The following PDE7A variants were observed in gnomAD, a reference collection of about 807,000 sequenced individuals.
PDE7A encodes high affinity 3',5'-cyclic-AMP phosphodiesterase 7A.
Under a neutral mutation model 64.3 loss-of-function variants are expected in PDE7A, and 39 were observed. The ratio of observed to expected loss-of-function variants is 0.61; its 90% CI spans 0.47 to 0.79. PDE7A has a LOEUF of 0.79. PDE7A is among the 30% of genes least tolerant of loss of function. PDE7A has a pLI of 0.00. For missense variants in PDE7A, 470 were observed against 582.8 expected (o/e 0.81, Z 1.99); for synonymous variants, 203 against 206.8 (o/e 0.98, Z 0.16).
chr8:65,837,441 C>G (rs764732135), intron 1 of PDE7A, among the ~76,000 whole-genome samples: 1 of 152,136 alleles, frequency 6.6e-6, no homozygotes, highest in African/African-American at 2.4e-5. Context: ...TTTGTGTATA[C>G]GTCATGAGAT....
chr8:65,719,566 A>G (rs1157535856), intron 12 of PDE7A, 71 bp from the exon 13 acceptor site: 2 of 975,066 alleles, frequency 2.1e-6, no homozygotes, highest in East Asian at 2.5e-5. Flanking sequence ...CATCTATACA[A>G]CATTAACCTT....
chr8:65,765,218 G>A (rs935426618), intron 3 of PDE7A, among the ~76,000 whole-genome samples: 4 of 151,962 alleles, frequency 2.6e-5, no homozygotes, highest in Non-Finnish European at 2.9e-5. Flanking sequence ...AGCCGGGCGC[G>A]GTGGCTCACG....
chr8:65,718,114 T>C lies in PDE7A; in HGVS notation c.*1176A>G, dbSNP rs559627144. The stretch of plus-strand genomic sequence containing the variant: ...AAGTTTGGTCACTTAGCTATGTGCA[T>C]AGTTTAAGGCAACTGGAGCAATCTG... On this transcript the variant is annotated 3_prime_UTR_variant, in exon 13 of 13. Coordinates refer to ENST00000401827, the MANE Select transcript of PDE7A (RefSeq NM_001242318.3). The C allele has an allele frequency of 6.6e-6, 1 of 152,352 alleles. No homozygotes were observed. The highest frequency in any genetic ancestry group is 2.1e-4 in the South Asian group (1 of 4,828). 9.4% of individuals were successfully genotyped at this position (152,352 alleles called of 1,614,324 possible). A position where few individuals can be genotyped will look rare whatever the true frequency, so the allele number is the denominator to read the frequency against.
intron 1 of PDE7A, among the ~76,000 whole-genome samples, chr8:65,817,724 C>T (rs1810443652): frequency 6.8e-6 from 1 of 148,076 alleles, no homozygotes; most frequent in Non-Finnish European, 1.5e-5. Flanking sequence ...TGAAGTCCCT[C>T]TCATTATATC....
chr8:65,806,590 T>A (rs558462461), intron 1 of PDE7A, among the ~76,000 whole-genome samples: 3 of 152,244 alleles, frequency 2.0e-5, no homozygotes, highest in Non-Finnish European at 4.4e-5. Context: ...TATTAACTTA[T>A]GTTGCCAGAT....
chr8:65,794,882 C>A (rs1362440816), intron 1 of PDE7A, among the ~76,000 whole-genome samples: 2 of 152,124 alleles, frequency 1.3e-5, no homozygotes, highest in African/African-American at 4.8e-5. Flanking sequence ...CCAAGTATGA[C>A]AATTAACCCA....
chr8:65,739,488 T>A lies in PDE7A; in HGVS notation c.595+14A>T. 6.5e-7 allele frequency: 1 copy of A among 1,544,772 alleles called. No individual in the cohort carries two copies. Among genetic ancestry groups the A allele is most frequent in the Middle Eastern group, 1.7e-4 (1 of 5,858 alleles). ...TGTAAATCTTGTTACTGTTAATGGGTTAGAATCACTTACCTAAAAATCTAC... is the reference window on the plus strand; with the variant it reads ...TGTAAATCTTGTTACTGTTAATGGGATAGAATCACTTACCTAAAAATCTAC... On this transcript the variant is annotated intron_variant, in intron 6 of 12. Coordinates refer to ENST00000401827, the MANE Select transcript of PDE7A (RefSeq NM_001242318.3).
chr8:65,780,990 T>G (rs1314050675), intron 2 of PDE7A: 1 of 152,236 alleles, frequency 6.6e-6, no homozygotes, highest in Non-Finnish European at 1.5e-5. Flanking sequence ...AATAAAGCAG[T>G]GAGCAAAATA....
intron 6 of PDE7A, 137 bp from the exon 7 acceptor site, chr8:65,735,031 A>T: frequency 1.6e-6 from 1 of 630,280 alleles, no homozygotes; most frequent in Non-Finnish European, 2.9e-6. Context: ...CGGGCAGATG[A>T]TAATCACCTC....
At chr8:65,724,390 C>A in intron 10 of PDE7A, 39 bp from the exon 11 acceptor site, 1 of 1,352,060 alleles carries the variant, frequency 7.4e-7, no homozygotes. Flanking sequence ...AAGATATATA[C>A]ACACTTGACA....
At chr8:65,758,917 A>G (rs1421377564) in intron 3 of PDE7A, among the ~76,000 whole-genome samples, 16 of 152,148 alleles carry the variant, frequency 1.1e-4, no homozygotes, top group Non-Finnish European at 4.4e-5. Flanking sequence ...CGTTCCTACC[A>G]TGGAATCTGT....
intron 1 of PDE7A, among the ~76,000 whole-genome samples, chr8:65,836,911 C>T (rs1342569827): frequency 6.6e-6 from 1 of 152,172 alleles, no homozygotes; most frequent in Non-Finnish European, 1.5e-5. Flanking sequence ...CTCCTTCCTC[C>T]TCCCCCTACA....
At position 65,715,898 on chromosome 8, in the gene PDE7A, G is replaced by A. The variant is rs561281834; in HGVS notation, c.*3392C>T. Among the ~76,000 whole-genome samples the A allele has an allele frequency of 2.1e-4, 31 of 145,448 alleles. No individual in the cohort carries two copies. In the East Asian group the frequency reaches 6.2e-3, roughly 29 times the overall value. ...AGCGACCTGGGAGACTGAGGCAGGAGAATGAGGAGAATGGCGTGAACCCGG... is the reference window on the plus strand; with the variant it reads ...AGCGACCTGGGAGACTGAGGCAGGAAAATGAGGAGAATGGCGTGAACCCGG... On this transcript the variant is annotated 3_prime_UTR_variant, in exon 13 of 13. Transcript: ENST00000401827.
At chr8:65,763,386 T>G (rs993173856) in intron 3 of PDE7A, among the ~76,000 whole-genome samples, 13 of 151,994 alleles carry the variant, frequency 8.6e-5, no homozygotes, top group African/African-American at 3.1e-4. Flanking sequence ...ACCAACATGG[T>G]GAAACCCTGT....
chr8:65,788,604 T>C (rs932336060), intron 1 of PDE7A, among the ~76,000 whole-genome samples: 2 of 152,194 alleles, frequency 1.3e-5, no homozygotes, highest in Non-Finnish European at 2.9e-5. Flanking sequence ...TAAACTTCTT[T>C]AGTCATAAAA....
intron 1 of PDE7A, among the ~76,000 whole-genome samples, chr8:65,794,012 A>C (rs1809770880): frequency 1.3e-5 from 2 of 152,172 alleles, no homozygotes; most frequent in African/African-American, 4.8e-5. Context: ...GCCAATTCTA[A>C]GGCTCTACAG....
intron 5 of PDE7A, among the ~76,000 whole-genome samples, chr8:65,744,949 A>C (rs1371250888): frequency 6.6e-6 from 1 of 152,226 alleles, no homozygotes; most frequent in Non-Finnish European, 1.5e-5. Context: ...CTGTGTCCCC[A>C]GCCAAATCTC....
intron 6 of PDE7A, among the ~76,000 whole-genome samples, chr8:65,738,302 T>C (rs1273910030): frequency 6.6e-6 from 1 of 152,198 alleles, no homozygotes; most frequent in Non-Finnish European, 1.5e-5. Context: ...AGCTATCTCT[T>C]GATCTGGGCA....
chr8:65,745,135 C>T (rs527615728), intron 5 of PDE7A, among the ~76,000 whole-genome samples: 1 of 152,306 alleles, frequency 6.6e-6, no homozygotes, highest in East Asian at 1.9e-4. Context: ...TTCTCTCTTG[C>T]CTGCCAACAT....
Sources: gnomAD v4.1 joint callset for allele counts (sites outside exome capture counted in the v4.1 genomes callset) on GRCh38, gnomAD v4.1.1 for gene constraint, MANE v1.5 for transcripts, NCBI Gene and HGNC (gene_info 2026-07-23, HGNC 2026-07-21) for gene names.